The following ITK variants were observed in gnomAD, a reference collection of about 807,000 sequenced individuals.
ITK encodes the protein IL2 inducible T cell kinase, also known as tyrosine-protein kinase ITK/TSK.
In ITK, 45 loss-of-function variants were observed where a neutral mutation model predicts 87.6. That is an observed-to-expected ratio of 0.51 (90% CI 0.40 to 0.66). ITK has a LOEUF of 0.66. Among genes scored for constraint, ITK ranks in the 30% least tolerant of loss-of-function variants. The pLI is 0.00. For missense variants in ITK, 605 were observed against 766.3 expected (o/e 0.79, Z 2.48); for synonymous variants, 303 against 273.6 (o/e 1.11, Z -1.06).
In ITK at chr5:157,243,792, G is replaced by A; in HGVS notation, c.1230G>A (p.Met410Ile). ...EEDFIEEAEVMMKLSHPKLVQ... is the reference protein window; with the variant it reads ...EEDFIEEAEVIMKLSHPKLVQ... Reference sequence around the variant, plus strand: ...ACTTCATAGAGGAGGCTGAAGTAATGATGTGAGTGCTCAGAACAAGGATAT... The same window carrying A: ...ACTTCATAGAGGAGGCTGAAGTAATAATGTGAGTGCTCAGAACAAGGATAT... The change falls in exon 12 of 17, where the codon ATG (methionine) becomes ATA (isoleucine). Residue 410 changes from methionine (M) to isoleucine (I), a missense_variant and splice_region_variant. Met to Ile is a conservative substitution (Grantham distance 10). Around this residue, in one of 3 missense-constraint regions of ITK, gnomAD observed 464 missense variants for 578.0 expected, o/e 0.80. Transcript: ENST00000422843. 1.2e-6 allele frequency: 2 copies of A among 1,613,868 alleles called. No homozygotes were observed. The highest frequency in any genetic ancestry group is 1.7e-6 in the Non-Finnish European group (2 of 1,179,758).
rs1028044925 is a variant in ITK at position 157,208,816 on chromosome 5, G to T, written c.139-73G>T. ...AGCCAATGGATCTTATCTAGCAGTA[G>T]ATTTCTGGAGCAATCTGGACAAAAA... is the stretch of plus-strand genomic sequence containing the variant. On this transcript the variant is annotated intron_variant, in intron 1 of 16. Transcript: ENST00000422843. 4 of 1,061,006 alleles carry T rather than the reference G, an allele frequency of 3.8e-6. No homozygotes were observed. In the African/African-American group the frequency reaches 6.3e-5, roughly 17 times the overall value. 65.7% of individuals were successfully genotyped at this position (1,061,006 alleles called of 1,614,324 possible).
intron 6 of ITK, 150 bp downstream of exon 6, chr5:157,223,164 A>AAGT (rs1336878355): frequency 1.9e-6 from 2 of 1,032,720 alleles, no homozygotes; most frequent in Admixed American, 1.8e-5. Flanking sequence ...GAGGAAGAGG[A>AAGT]AGTAGTTGAG....
At chr5:157,242,664 G>T (rs1339632617) in intron 11 of ITK, among the ~76,000 whole-genome samples, 1 of 152,100 alleles carries the variant, frequency 6.6e-6, no homozygotes, top group East Asian at 1.9e-4. Context: ...TCACTATGTT[G>T]CCCTGGCTGG....
intron 1 of ITK, among the ~76,000 whole-genome samples, chr5:157,186,098 G>A (rs1323138606): frequency 3.3e-5 from 5 of 152,098 alleles, no homozygotes; most frequent in South Asian, 4.1e-4. Context: ...GATGTCCCAC[G>A]TCTCTAGAGT....
At position 157,208,786 on chromosome 5, in the gene ITK, TA is replaced by T. The variant is rs544311461; in HGVS notation, c.139-98del. 3.0e-4 allele frequency: 255 copies of T among 844,294 alleles called. No individual in the cohort carries two copies. In the African/African-American group the frequency reaches 4.1e-3, roughly 14 times the overall value. The allele number at this position is 844,294 out of a possible 1,614,324, so 52.3% of individuals were successfully genotyped here. A position where few individuals can be genotyped will look rare whatever the true frequency, so the allele number is the denominator to read the frequency against. Reference sequence around the variant, plus strand: ...TTGGTTTGGAGGGTTGGAATAGGTTTAAAAAGCCAATGGATCTTATCTAGCA... The same window carrying T: ...TTGGTTTGGAGGGTTGGAATAGGTTTAAAAGCCAATGGATCTTATCTAGCA... On this transcript the variant is annotated intron_variant, in intron 1 of 16. Coordinates refer to ENST00000422843, the MANE Select transcript of ITK (RefSeq NM_005546.4).
intron 9 of ITK, 39 bp from the exon 10 acceptor site, chr5:157,240,023 T>C: frequency 6.2e-7 from 1 of 1,600,576 alleles, no homozygotes; most frequent in East Asian, 2.2e-5. Flanking sequence ...TCAACATTGC[T>C]TCTTAATAAT....
At chr5:157,214,401 G>A (rs1296740769) in intron 4 of ITK, 82 bp downstream of exon 4, 1 of 1,122,256 alleles carries the variant, frequency 8.9e-7, no homozygotes. Flanking sequence ...CATTGAGGGT[G>A]TCAGGAACAG....
At chr5:157,241,612 T>C in intron 10 of ITK, 34 bp from the exon 11 acceptor site, 1 of 1,521,964 alleles carries the variant, frequency 6.6e-7, no homozygotes, top group South Asian at 1.1e-5. Context: ...AGCAAAGCCC[T>C]AACCACTGCT....
chr5:157,240,290 T>G lies in ITK; in HGVS notation c.985+95T>G, dbSNP rs1362309763. On this transcript the variant is annotated intron_variant, in intron 10 of 16. Coordinates refer to ENST00000422843, the MANE Select transcript of ITK (RefSeq NM_005546.4). ...TGCCTGAGCTCTGCCTTCTGTCAGA[T>G]CAGCGTCATTAGATTCTCATAAGAG... 5 of 1,175,188 alleles carry G rather than the reference T, an allele frequency of 4.3e-6. No homozygotes were observed. The East Asian group carries it at 9.5e-5, about 22-fold the overall frequency. 72.8% of individuals were successfully genotyped at this position (1,175,188 alleles called of 1,614,324 possible).
At chr5:157,211,787 T>C (rs1754196549) in intron 3 of ITK, among the ~76,000 whole-genome samples, 1 of 152,210 alleles carries the variant, frequency 6.6e-6, no homozygotes, top group South Asian at 2.1e-4. Context: ...AATCCCAGTC[T>C]GTCACTTGCT....
intron 4 of ITK, among the ~76,000 whole-genome samples, chr5:157,216,799 C>T (rs1156346196): frequency 6.6e-6 from 1 of 152,128 alleles, no homozygotes; most frequent in Non-Finnish European, 1.5e-5. Context: ...ACCATACTTC[C>T]TATTACAGGG....
chr5:157,242,864 C>T (rs1412347747), intron 11 of ITK, among the ~76,000 whole-genome samples: 1 of 152,242 alleles, frequency 6.6e-6, no homozygotes, highest in East Asian at 1.9e-4. Context: ...CCCTAACCAG[C>T]ACCGTGTCCG....
chr5:157,214,766 A>G (rs1463485446), intron 4 of ITK, among the ~76,000 whole-genome samples: 1 of 152,214 alleles, frequency 6.6e-6, no homozygotes, highest in Non-Finnish European at 1.5e-5. Flanking sequence ...TTACAGTGAC[A>G]TCATGTCACA....
At position 157,233,437 on chromosome 5, in the gene ITK, C is replaced by T. The variant is rs557281569; in HGVS notation, c.768+1043C>T. Among the ~76,000 whole-genome samples, 6 of 152,350 alleles carry T rather than the reference C, an allele frequency of 3.9e-5. No individual in the cohort carries two copies. The South Asian group carries it at 8.3e-4, about 21-fold the overall frequency. On this transcript the variant is annotated intron_variant, in intron 8 of 16. Transcript: ENST00000422843. Reference sequence around the variant, plus strand: ...AGCTGAGTCCTTACTGAACTCTGGTCTCTCCTTGGCTCTACATCAACTCAG... The same window carrying T: ...AGCTGAGTCCTTACTGAACTCTGGTTTCTCCTTGGCTCTACATCAACTCAG...
intron 1 of ITK, among the ~76,000 whole-genome samples, chr5:157,185,921 A>G (rs1753633996): frequency 6.6e-6 from 1 of 152,170 alleles, no homozygotes; most frequent in South Asian, 2.1e-4. Flanking sequence ...CTTTATTCTC[A>G]TAAGATAGTA....
intron 4 of ITK, among the ~76,000 whole-genome samples, chr5:157,217,417 A>G (rs1341555175): frequency 6.6e-6 from 1 of 152,096 alleles, no homozygotes; most frequent in Non-Finnish European, 1.5e-5. Flanking sequence ...ATGACCTCCC[A>G]CCTCAGCCAC....
chr5:157,219,424 T>C (rs558212419), intron 5 of ITK, among the ~76,000 whole-genome samples: 3 of 152,258 alleles, frequency 2.0e-5, no homozygotes, highest in Non-Finnish European at 4.4e-5. Flanking sequence ...ATACCCACAT[T>C]TGAGTACTCG....
chr5:157,240,474 G>A (rs567512946), intron 10 of ITK: 128 of 490,872 alleles, frequency 2.6e-4, no homozygotes, highest in African/African-American at 1.6e-3. Context: ...CCGATCCCTG[G>A]TGCCAAAAAG....
At chr5:157,244,907 C>T (rs537774996) in intron 13 of ITK, 3 of 258,586 alleles carry the variant, frequency 1.2e-5, no homozygotes, top group Non-Finnish European at 2.3e-5. Flanking sequence ...ACACATTCCC[C>T]GTATGATTTG....
Sources: allele counts gnomAD v4.1 joint callset (sites outside exome capture counted in the v4.1 genomes callset), GRCh38; gene constraint gnomAD v4.1.1; regional missense constraint gnomAD v4.1.1; transcripts MANE v1.5; gene names NCBI Gene and HGNC (gene_info 2026-07-23, HGNC 2026-07-21).